The following PANX1 variants were observed in gnomAD, a reference collection of about 807,000 sequenced individuals.
PANX1 encodes pannexin-1.
PANX1 carries 30 observed loss-of-function variants against 38.7 expected under a neutral mutation model. That is an observed-to-expected ratio of 0.78 (90% CI 0.58 to 1.05). The LOEUF is 1.05. Among genes scored for constraint, PANX1 ranks in the 50% least tolerant of loss-of-function variants. PANX1 has a pLI of 0.00. For missense variants in PANX1, 551 were observed against 517.2 expected (o/e 1.07, Z -0.63); for synonymous variants, 230 against 212.2 (o/e 1.08, Z -0.73).
intron 1 of PANX1, among the ~76,000 whole-genome samples, chr11:94,139,356 A>G (rs908112341): frequency 2.8e-4 from 42 of 152,368 alleles, no homozygotes; most frequent in African/African-American, 9.6e-4. Flanking sequence ...AATATATCAG[A>G]TATTTAAAAG....
intron 2 of PANX1, among the ~76,000 whole-genome samples, chr11:94,157,568 A>T (rs1161911354): frequency 2.0e-5 from 3 of 151,998 alleles, no homozygotes; most frequent in African/African-American, 7.3e-5. Flanking sequence ...TCCTTCGCCC[A>T]CTTTTTGATG....
chr11:94,140,864 A>G (rs1379726928), intron 1 of PANX1, among the ~76,000 whole-genome samples: 1 of 152,178 alleles, frequency 6.6e-6, no homozygotes. Flanking sequence ...ACATATTTTT[A>G]TGAAAAATAA....
chr11:94,167,902 AGT>A (rs1480371983), intron 2 of PANX1, among the ~76,000 whole-genome samples: 2 of 152,176 alleles, frequency 1.3e-5, no homozygotes, highest in East Asian at 3.9e-4. Context: ...GTAAAAGGAG[AGT>A]GTTTCAGACA....
At chr11:94,146,798 G>A (rs1946832785) in intron 1 of PANX1, among the ~76,000 whole-genome samples, 2 of 152,246 alleles carry the variant, frequency 1.3e-5, no homozygotes, top group Non-Finnish European at 2.9e-5. Flanking sequence ...CTAATGCAAT[G>A]TGTAGGGCAG....
intron 2 of PANX1, among the ~76,000 whole-genome samples, chr11:94,155,976 A>G (rs1049291015): frequency 6.6e-6 from 1 of 152,172 alleles, no homozygotes; most frequent in Non-Finnish European, 1.5e-5. Flanking sequence ...TTACTGTTGT[A>G]GTTTAAGTTC....
chr11:94,152,342 T>G (rs1224936594), intron 1 of PANX1, among the ~76,000 whole-genome samples: 1 of 152,204 alleles, frequency 6.6e-6, no homozygotes, highest in Non-Finnish European at 1.5e-5. Context: ...ATTAATGTCA[T>G]TCCTATTTTA....
chr11:94,129,609 C>T (rs765578243), intron 1 of PANX1, 116 bp downstream of exon 1: 141 of 918,932 alleles, frequency 1.5e-4, no homozygotes, highest in Non-Finnish European at 2.2e-4. Flanking sequence ...TCGTGAGCGT[C>T]AGGAAGGGCA....
At chr11:94,157,813 G>A (rs1343522382) in intron 2 of PANX1, among the ~76,000 whole-genome samples, 1 of 152,054 alleles carries the variant, frequency 6.6e-6, no homozygotes, top group African/African-American at 2.4e-5. Flanking sequence ...TGAAGTCCTT[G>A]CCCATGCCTA....
chr11:94,156,130 C>T (rs989539590), intron 2 of PANX1, among the ~76,000 whole-genome samples: 2 of 152,074 alleles, frequency 1.3e-5, no homozygotes, highest in Non-Finnish European at 2.9e-5. Flanking sequence ...GATTTTTTAT[C>T]CAGATGTATT....
In PANX1 at chr11:94,178,122, G is replaced by A. The variant is rs79013447; in HGVS notation, c.322-247G>A. ...TCTGTGATTAGAACGTACACACCAT[G>A]TGTCACCATGCAGTTGCTGATTACT... On this transcript the variant is annotated intron_variant, in intron 2 of 4. Transcript: ENST00000227638. 9.9e-3 allele frequency among the ~76,000 whole-genome samples: 1,511 copies of A among 152,148 alleles called. 27 individuals carry two copies. The highest frequency in any genetic ancestry group is 0.035 in the African/African-American group (1,449 of 41,500).
intron 1 of PANX1, 37 bp downstream of exon 1, chr11:94,129,530 C>T (rs371876803): frequency 5.8e-6 from 9 of 1,551,758 alleles, no homozygotes; most frequent in South Asian, 1.2e-5. Context: ...GTGGCCGCCC[C>T]GGTCTGGCCC....
chr11:94,179,992 C>G lies in PANX1; in HGVS notation c.936C>G (p.Leu312=), dbSNP rs754821564. The change falls in exon 4 of 5, where the codon CTC becomes CTG. Residue 312 remains leucine, a synonymous_variant. Transcript: ENST00000227638. ...ATGTTCTCAAAGTGTACGAAATCCT[C>G]CCCACTTTTGATGTTCTGCATTTCA... The part of the protein sequence containing the change: ...KTDVLKVYEI[L]PTFDVLHFKS... The G allele has an allele frequency of 6.3e-7, 1 of 1,595,010 alleles. No homozygotes were observed. The highest frequency in any genetic ancestry group is 2.2e-5 in the East Asian group (1 of 44,568).
At chr11:94,161,336 A>G (rs1358653174) in intron 2 of PANX1, among the ~76,000 whole-genome samples, 1 of 152,116 alleles carries the variant, frequency 6.6e-6, no homozygotes, top group African/African-American at 2.4e-5. Flanking sequence ...ACTTGGTTCC[A>G]TTCTCCCTGT....
intron 1 of PANX1, among the ~76,000 whole-genome samples, chr11:94,136,747 G>A (rs1300448566): frequency 1.3e-5 from 2 of 151,994 alleles, no homozygotes; most frequent in South Asian, 2.1e-4. Flanking sequence ...CAGCCTGGGC[G>A]ACAGAGCGAG....
intron 2 of PANX1, among the ~76,000 whole-genome samples, chr11:94,156,836 AT>A (rs1946954128): frequency 6.6e-6 from 1 of 151,310 alleles, no homozygotes; most frequent in Non-Finnish European, 1.5e-5. Context: ...TTAACTCGTC[AT>A]TTAACATTAG....
intron 1 of PANX1, among the ~76,000 whole-genome samples, chr11:94,131,047 A>G (rs1408873079): frequency 6.6e-6 from 1 of 152,234 alleles, no homozygotes; most frequent in African/African-American, 2.4e-5. Context: ...ACCAAGTAGC[A>G]TGAGTCCTGG....
At position 94,129,185 on chromosome 11, in the gene PANX1, G is replaced by T; in HGVS notation, c.-128G>T. 1.5e-6 allele frequency: 1 copy of T among 683,550 alleles called. No homozygotes were observed. Among genetic ancestry groups the T allele is most frequent in the Non-Finnish European group, 2.4e-6 (1 of 425,434 alleles). The allele number at this position is 683,550 out of a possible 1,614,324, so 42.3% of individuals were successfully genotyped here. A position where few individuals can be genotyped will look rare whatever the true frequency, so the allele number is the denominator to read the frequency against. On this transcript the variant is annotated 5_prime_UTR_variant, in exon 1 of 5. Transcript: ENST00000227638. Reference sequence around the variant, plus strand: ...AGGCACCGAGACACAAAGGCAGGCGGGATGCGGGAGCAGGCAAAGGGAAAG... The same window carrying T: ...AGGCACCGAGACACAAAGGCAGGCGTGATGCGGGAGCAGGCAAAGGGAAAG...
At chr11:94,172,803 G>A (rs1947183328) in intron 2 of PANX1, among the ~76,000 whole-genome samples, 1 of 151,696 alleles carries the variant, frequency 6.6e-6, no homozygotes, top group Non-Finnish European at 1.5e-5. Context: ...TCATAGATCC[G>A]TGGGAAGGCT....
intron 1 of PANX1, among the ~76,000 whole-genome samples, chr11:94,134,604 C>A (rs2134473075): frequency 6.6e-6 from 1 of 151,884 alleles, no homozygotes; most frequent in East Asian, 2.0e-4. Context: ...TGATGGGATG[C>A]CCTTAGAAAA....
Sources: allele counts gnomAD v4.1 joint callset (sites outside exome capture counted in the v4.1 genomes callset), GRCh38; gene constraint gnomAD v4.1.1; transcripts MANE v1.5; gene names NCBI Gene and HGNC (gene_info 2026-07-23, HGNC 2026-07-21).